The following KCNT2 variants were observed in gnomAD, a reference collection of about 807,000 sequenced individuals.
KCNT2 encodes potassium sodium-activated channel subfamily T member 2.
KCNT2 carries 67 observed loss-of-function variants against 153.8 expected under a neutral mutation model. The ratio of observed to expected loss-of-function variants is 0.44; its 90% CI spans 0.36 to 0.53. The LOEUF (loss-of-function observed/expected upper bound fraction) is 0.53. KCNT2 is among the 20% of genes least tolerant of loss of function. The probability of loss-of-function intolerance (pLI) is 0.00; values close to 1 mark genes in which losing one functional copy is unlikely to be tolerated. For synonymous variants in KCNT2, 500 were observed against 458.8 expected, an observed-to-expected ratio of 1.09 and a Z score of -1.15; for missense variants, 975 against 1,354.8, an observed-to-expected ratio of 0.72 and a Z score of 4.40.
intron 17 of KCNT2, among the ~76,000 whole-genome samples, chr1:196,331,816 T>C (rs2148106403): frequency 6.6e-6 from 1 of 152,256 alleles, no homozygotes. Flanking sequence ...TCAATATTCA[T>C]TAGCCATAAC....
At chr1:196,571,215 C>T (rs570274362) in intron 1 of KCNT2, among the ~76,000 whole-genome samples, 34 of 152,042 alleles carry the variant, frequency 2.2e-4, no homozygotes, top group Admixed American at 1.3e-3. Context: ...TAGCATTAAA[C>T]AGAAAATAGA....
intron 5 of KCNT2, among the ~76,000 whole-genome samples, chr1:196,474,268 T>G (rs1374022757): frequency 6.6e-6 from 1 of 152,164 alleles, no homozygotes; most frequent in Non-Finnish European, 1.5e-5. Context: ...GTTCATTTGT[T>G]GCAAGCCCCA....
At chr1:196,339,550 G>A (rs1412820280) in intron 16 of KCNT2, among the ~76,000 whole-genome samples, 1 of 150,360 alleles carries the variant, frequency 6.7e-6, no homozygotes, top group Admixed American at 6.7e-5. Context: ...GAGAGAGAGA[G>A]AGACAGAGAC....
At chr1:196,491,376 T>A (rs2148731204) in intron 2 of KCNT2, among the ~76,000 whole-genome samples, 2 of 152,084 alleles carry the variant, frequency 1.3e-5, no homozygotes, top group East Asian at 3.9e-4. Context: ...ATATCATCAG[T>A]ATTTGGACAA....
intron 1 of KCNT2, among the ~76,000 whole-genome samples, chr1:196,593,574 T>C (rs948327896): frequency 6.6e-6 from 1 of 151,986 alleles, no homozygotes; most frequent in African/African-American, 2.4e-5. Context: ...ACAGAAAGGA[T>C]AAATGCTTGG....
At chr1:196,516,271 T>C (rs1348375389) in intron 1 of KCNT2, among the ~76,000 whole-genome samples, 1 of 152,004 alleles carries the variant, frequency 6.6e-6, no homozygotes, top group Non-Finnish European at 1.5e-5. Flanking sequence ...TTTTATAACC[T>C]TAATCATTGT....
At position 196,349,637 on chromosome 1, in the gene KCNT2, A is replaced by G. The variant is rs369356320; in HGVS notation, c.1404-7409T>C. On this transcript the variant is annotated intron_variant, in intron 14 of 27. Coordinates refer to ENST00000294725, the MANE Select transcript of KCNT2 (RefSeq NM_198503.5). ...CTTCTTCAGCTGCCTCACTTTGTGGAGTAGATGGGGTACTAGAAAGATAGG... is the reference window on the plus strand; with the variant it reads ...CTTCTTCAGCTGCCTCACTTTGTGGGGTAGATGGGGTACTAGAAAGATAGG... 2.6e-5 allele frequency among the ~76,000 whole-genome samples: 4 copies of G among 151,916 alleles called. No individual in the cohort carries two copies. In the East Asian group the frequency reaches 7.7e-4, roughly 29 times the overall value.
chr1:196,522,790 C>T, intron 1 of KCNT2, among the ~76,000 whole-genome samples: 1 of 151,966 alleles, frequency 6.6e-6, no homozygotes, highest in East Asian at 1.9e-4. Flanking sequence ...GTAAAAAACG[C>T]ACTAATCAGC....
chr1:196,314,679 G>A (rs1371650724), intron 21 of KCNT2, among the ~76,000 whole-genome samples: 1 of 151,562 alleles, frequency 6.6e-6, no homozygotes, highest in Non-Finnish European at 1.5e-5. Flanking sequence ...TTATAGATGA[G>A]AAAAACTGAA....
At chr1:196,307,697 C>G (rs1008582621) in intron 21 of KCNT2, among the ~76,000 whole-genome samples, 1 of 151,986 alleles carries the variant, frequency 6.6e-6, no homozygotes, top group African/African-American at 2.4e-5. Context: ...TTGTATTATC[C>G]ATATTTCACA....
At chr1:196,541,678 A>T (rs558212608) in intron 1 of KCNT2, among the ~76,000 whole-genome samples, 1 of 152,226 alleles carries the variant, frequency 6.6e-6, no homozygotes, top group East Asian at 1.9e-4. Context: ...CAAGCAGGAT[A>T]TTTTATATTC....
chr1:196,401,026 A>G (rs1037943379), intron 12 of KCNT2, among the ~76,000 whole-genome samples: 7 of 151,822 alleles, frequency 4.6e-5, no homozygotes, highest in Non-Finnish European at 8.8e-5. Flanking sequence ...CACCAGACAC[A>G]GGAAAAGGGA....
At chr1:196,296,022 T>C (rs1660647762) in intron 22 of KCNT2, among the ~76,000 whole-genome samples, 1 of 151,998 alleles carries the variant, frequency 6.6e-6, no homozygotes, top group Non-Finnish European at 1.5e-5. Flanking sequence ...CTCCATATGT[T>C]ACACTTCTAA....
chr1:196,232,623 T>A (rs1044565510), intron 27 of KCNT2, among the ~76,000 whole-genome samples: 3 of 151,562 alleles, frequency 2.0e-5, no homozygotes, highest in Admixed American at 1.3e-4. Context: ...CAAGTTGATG[T>A]TTTAGCTTAA....
intron 4 of KCNT2, among the ~76,000 whole-genome samples, chr1:196,479,914 G>A (rs1188314718): frequency 6.6e-6 from 1 of 152,166 alleles, no homozygotes. Flanking sequence ...ACATCTTTGA[G>A]TACTAAATAA....
chr1:196,295,946 AG>A (rs1034191398), intron 22 of KCNT2, among the ~76,000 whole-genome samples: 7 of 151,966 alleles, frequency 4.6e-5, no homozygotes, highest in African/African-American at 1.7e-4. Context: ...AAAGATTAAC[AG>A]GAGTGCATAT....
At chr1:196,520,006 A>C (rs1255913066) in intron 1 of KCNT2, among the ~76,000 whole-genome samples, 1 of 152,118 alleles carries the variant, frequency 6.6e-6, no homozygotes, top group Non-Finnish European at 1.5e-5. Context: ...CAACAGCAAA[A>C]AGAAAACTTC....
At chr1:196,565,714 A>G (rs1660027605) in intron 1 of KCNT2, among the ~76,000 whole-genome samples, 1 of 151,642 alleles carries the variant, frequency 6.6e-6, no homozygotes, top group African/African-American at 2.4e-5. Context: ...AATAAGCCAA[A>G]CACAGAAAGA....
intron 21 of KCNT2, among the ~76,000 whole-genome samples, chr1:196,312,389 G>A (rs1360384951): frequency 6.6e-6 from 1 of 151,330 alleles, no homozygotes; most frequent in East Asian, 1.9e-4. Context: ...TCCCCTCCGC[G>A]AGAAAAATAA....
Sources: allele counts gnomAD v4.1 joint callset (sites outside exome capture counted in the v4.1 genomes callset), GRCh38; gene constraint gnomAD v4.1.1; transcripts MANE v1.5; gene names NCBI Gene and HGNC (gene_info 2026-07-23, HGNC 2026-07-21).